DCAF10: variants seen among roughly 807,000 people sequenced by gnomAD.
The protein encoded by DCAF10 is DDB1- and CUL4-associated factor 10.
In DCAF10, 19 loss-of-function variants were observed where a neutral mutation model predicts 51.9. The observed-to-expected ratio is 0.37, with a 90% confidence interval of 0.26 to 0.54. The LOEUF (loss-of-function observed/expected upper bound fraction) is 0.54. DCAF10 is among the 20% of genes least tolerant of loss of function. The probability of loss-of-function intolerance (pLI) is 0.87; values close to 1 mark genes in which losing one functional copy is unlikely to be tolerated. For synonymous variants in DCAF10, 291 were observed against 297.1 expected (o/e 0.98, Z 0.21); for missense variants, 510 against 730.6 (o/e 0.70, Z 3.48).
Position 37,857,292 on chromosome 9 carries a change from G to A in DCAF10, c.1106G>A (p.Cys369Tyr). The part of the protein sequence containing the change: ...SSGPRVSGSP[C>Y]HHSDSNSSEK... ...GGTCCTAGAGTTTCTGGCTCACCTT[G>A]TCATCATAGTGATTCTAATTCTTCT... Residue 369 changes from cysteine (C) to tyrosine (Y), a missense_variant, in exon 5 of 7, where the codon TGT becomes TAT. Physicochemically the swap from Cys to Tyr is radical, Grantham distance 194 (BLOSUM62 -2). Around this residue, in one of 4 missense-constraint regions of DCAF10, gnomAD observed 126 missense variants for 271.5 expected, o/e 0.46. Transcript: ENST00000377724. 3.1e-6 allele frequency: 5 copies of A among 1,611,020 alleles called. No homozygotes were observed. The highest frequency in any genetic ancestry group is 4.2e-6 in the Non-Finnish European group (5 of 1,178,980).
In DCAF10 at chr9:37,861,505, T is replaced by A. The variant is rs574569968; in HGVS notation, c.1677T>A (p.Phe559Leu). The stretch of plus-strand genomic sequence containing the variant: ...GGGTTTCTTTGTATCAGCCAAAGTT[T>A]TAGGCACAACTTACATCAAATAAGG... ...SGRVSLYQPK[F>L] Residue 559 changes from phenylalanine (F) to leucine (L), a missense_variant, in exon 7 of 7, where the codon TTT (phenylalanine) becomes TTA (leucine). Coordinates refer to ENST00000377724, the MANE Select transcript of DCAF10 (RefSeq NM_024345.5). This position sits in a 1 kb window ranked among gnomAD's most constrained non-coding sequence, Gnocchi z 4.9. 18 of 1,604,974 alleles carry A rather than the reference T, an allele frequency of 1.1e-5. No homozygotes were observed. The South Asian group carries it at 2.0e-4, about 18-fold the overall frequency.
intron 1 of DCAF10, among the ~76,000 whole-genome samples, chr9:37,804,971 A>G (rs1829069154): frequency 1.3e-5 from 2 of 152,212 alleles, no homozygotes; most frequent in Admixed American, 1.3e-4. Flanking sequence ...AAATAAATAC[A>G]TATTCAGACA....
At position 37,800,842 on chromosome 9, in the gene DCAF10, G is replaced by A. The variant is rs1026069944; in HGVS notation, c.-25G>A. On this transcript the variant is annotated 5_prime_UTR_variant, in exon 1 of 7. Transcript: ENST00000377724. ...GTGTCGGCCGGCGGGGCAGTGGCCC[G>A]GAGCGGGGGGCGGGGGCGTTGATCA... 7.4e-6 allele frequency: 11 copies of A among 1,485,914 alleles called. No individual in the cohort carries two copies. The highest frequency in any genetic ancestry group is 2.3e-4 in the Middle Eastern group (1 of 4,438). 92.0% of individuals were successfully genotyped at this position (1,485,914 alleles called of 1,614,324 possible).
Position 37,861,134 on chromosome 9 carries a change from C to A in DCAF10, c.1312-6C>A, listed in dbSNP as rs780960408. 10 of 1,593,172 alleles carry A rather than the reference C, an allele frequency of 6.3e-6. No homozygotes were observed. Among genetic ancestry groups the A allele is most frequent in the African/African-American group, 1.3e-5 (1 of 74,484 alleles). On this transcript the variant is annotated splice_region_variant and splice_polypyrimidine_tract_variant and intron_variant, in intron 6 of 6. Transcript: ENST00000377724. This position sits in a 1 kb window ranked among gnomAD's most constrained non-coding sequence, Gnocchi z 4.9. ...ACCTTGGTTTGTCTCCCTTCTCTCC[C>A]CCTAGTGTACTTGTGTCTATGAATT...
At chr9:37,858,898 C>CT (rs1307578988) in intron 5 of DCAF10, among the ~76,000 whole-genome samples, 1 of 151,146 alleles carries the variant, frequency 6.6e-6, no homozygotes, top group Non-Finnish European at 1.5e-5. Context: ...ACCCTCCAGC[C>CT]TTCCCCACTC....
intron 3 of DCAF10, among the ~76,000 whole-genome samples, chr9:37,849,059 CATTA>C (rs1419775910): frequency 1.3e-5 from 2 of 150,468 alleles, no homozygotes; most frequent in Non-Finnish European, 2.9e-5. Flanking sequence ...ACTCCTGAAT[CATTA>C]ATTAACTAGA....
At chr9:37,817,640 C>G (rs1400769144) in intron 1 of DCAF10, among the ~76,000 whole-genome samples, 7 of 151,872 alleles carry the variant, frequency 4.6e-5, no homozygotes. Context: ...GTGGTTCATG[C>G]CTGTAATCCC....
chr9:37,814,121 TATATATTTGTTGTTG>T, intron 1 of DCAF10, among the ~76,000 whole-genome samples: 1 of 87,468 alleles, frequency 1.1e-5, no homozygotes, highest in East Asian at 2.9e-4. Flanking sequence ...TATATATATA[TATATATTTGTTGTTG>T]TTGTTGTTGT....
At chr9:37,800,572 G>T (rs933441489), upstream of DCAF10, 1 of 1,535,788 alleles carries the variant, frequency 6.5e-7, no homozygotes, top group African/African-American at 1.4e-5. Context: ...CCAGGCACGC[G>T]GCCACCGGTC....
chr9:37,857,635 C>T (rs770556590), intron 5 of DCAF10, among the ~76,000 whole-genome samples: 3 of 152,142 alleles, frequency 2.0e-5, no homozygotes, highest in African/African-American at 7.2e-5. Context: ...AGATTTCAAT[C>T]AAGATTGTTG....
intron 2 of DCAF10, among the ~76,000 whole-genome samples, chr9:37,825,496 C>T (rs1253335370): frequency 6.6e-6 from 1 of 152,202 alleles, no homozygotes; most frequent in Non-Finnish European, 1.5e-5. Flanking sequence ...ACTGCATGTT[C>T]TCACTTAGAA....
At chr9:37,812,039 G>A (rs1356890144) in intron 1 of DCAF10, among the ~76,000 whole-genome samples, 1 of 151,986 alleles carries the variant, frequency 6.6e-6, no homozygotes, top group Non-Finnish European at 1.5e-5. Flanking sequence ...AATTAGCCGG[G>A]TGTGGTGGCA....
intron 1 of DCAF10, among the ~76,000 whole-genome samples, chr9:37,810,152 TA>T (rs747571357): frequency 0.01 from 1,458 of 140,942 alleles, 20 homozygotes; most frequent in African/African-American, 0.029. Context: ...AACTCCATCT[TA>T]AAAAAAAAAA....
intron 1 of DCAF10, among the ~76,000 whole-genome samples, chr9:37,802,630 A>G (rs1345330031): frequency 2.6e-5 from 4 of 152,192 alleles, no homozygotes; most frequent in Non-Finnish European, 2.9e-5. Context: ...TAGAAACAGG[A>G]GTTACTGTGA....
Position 37,865,537 on chromosome 9 carries a change from TGTA to T in DCAF10, c.*4033_*4035del, listed in dbSNP as rs1831119663. ...ATTCATAATTCATGATAATTGGTAA[TGTA>T]GTATAATTGTTAGTAAATGCAGTAC... On this transcript the variant is annotated 3_prime_UTR_variant, in exon 7 of 7. Transcript: ENST00000377724. 6.6e-6 allele frequency: 1 copy of T among 152,236 alleles called. No homozygotes were observed. The highest frequency in any genetic ancestry group is 2.1e-4 in the South Asian group (1 of 4,836). The allele number at this position is 152,236 out of a possible 1,614,324, so 9.4% of individuals were successfully genotyped here.
At chr9:37,842,644 T>C (rs1188151995) in intron 3 of DCAF10, among the ~76,000 whole-genome samples, 1 of 152,252 alleles carries the variant, frequency 6.6e-6, no homozygotes, top group Non-Finnish European at 1.5e-5. Flanking sequence ...TTTTTGTTCT[T>C]TGTTTTCATG....
Position 37,857,405 on chromosome 9 carries a change from A to G in DCAF10, c.1165+54A>G, listed in dbSNP as rs966998775. 6 of 1,306,020 alleles carry G rather than the reference A, an allele frequency of 4.6e-6. No homozygotes were observed. The African/African-American group carries it at 7.5e-5, about 16-fold the overall frequency. The allele number at this position is 1,306,020 out of a possible 1,614,324, so 80.9% of individuals were successfully genotyped here. Reference sequence around the variant, plus strand: ...TGTAACAACAGATTATGCCAATCTGATTAATTATTGATTGATTAAAACCAG... The same window carrying G: ...TGTAACAACAGATTATGCCAATCTGGTTAATTATTGATTGATTAAAACCAG... On this transcript the variant is annotated intron_variant, in intron 5 of 6. Transcript: ENST00000377724.
At chr9:37,843,554 A>G (rs1830394187) in intron 3 of DCAF10, among the ~76,000 whole-genome samples, 1 of 152,170 alleles carries the variant, frequency 6.6e-6, no homozygotes, top group African/African-American at 2.4e-5. Flanking sequence ...AACATGATCA[A>G]TCCCATAGAA....
At chr9:37,814,840 A>G (rs1472379247) in intron 1 of DCAF10, among the ~76,000 whole-genome samples, 1 of 152,238 alleles carries the variant, frequency 6.6e-6, no homozygotes, top group Non-Finnish European at 1.5e-5. Context: ...TAAAATAACA[A>G]GAGCCAGTCT....
Sources: allele counts gnomAD v4.1 joint callset (sites outside exome capture counted in the v4.1 genomes callset), GRCh38; gene constraint gnomAD v4.1.1; regional missense constraint gnomAD v4.1.1; non-coding constraint Gnocchi (gnomAD v3.1); transcripts MANE v1.5; gene names NCBI Gene and HGNC (gene_info 2026-07-23, HGNC 2026-07-21).